SRPK2: variants seen among roughly 807,000 people sequenced by gnomAD.
SRPK2 encodes SFRS protein kinase 2.
Under a neutral mutation model 90.8 loss-of-function variants are expected in SRPK2, and 21 were observed. The observed-to-expected ratio is 0.23, with a 90% CI of 0.16 to 0.33. SRPK2 has a LOEUF of 0.33. Among genes scored for constraint, SRPK2 ranks in the 10% least tolerant of loss-of-function variants. The pLI, the probability that SRPK2 is intolerant of heterozygous loss-of-function variation, is 1.00. For missense variants in SRPK2, 620 were observed against 869.0 expected, an observed-to-expected ratio of 0.71 and a Z score of 3.60; for synonymous variants, 288 against 311.1, an observed-to-expected ratio of 0.93 and a Z score of 0.78.
intron 2 of SRPK2, among the ~76,000 whole-genome samples, chr7:105,308,001 T>G (rs1196620642): frequency 6.6e-6 from 1 of 152,224 alleles, no homozygotes; most frequent in East Asian, 1.9e-4. Context: ...TATGCGAAAG[T>G]ATTTTTGCAA....
In SRPK2 at chr7:105,171,015, G is replaced by GAA. The variant is rs1554436212; in HGVS notation, c.230-1751_230-1750insTT. On this transcript the variant is annotated intron_variant, in intron 3 of 15. Transcript: ENST00000393651. ...AGAAAGAGAAAGAAAGAAAGAAAGAGAGGAAGGAAGGAAGGAAGGAAGGAA... is the reference window on the plus strand; with the variant it reads ...AGAAAGAGAAAGAAAGAAAGAAAGAGAAAGGAAGGAAGGAAGGAAGGAAGGAA... Among the ~76,000 whole-genome samples, 4 of 107,544 alleles carry GAA rather than the reference G, an allele frequency of 3.7e-5. 1 individual carries two copies. Among genetic ancestry groups the GAA allele is most frequent in the Non-Finnish European group, 6.0e-5 (3 of 50,078 alleles). 70.6% of individuals were successfully genotyped at this position (107,544 alleles called of 152,430 possible).
At chr7:105,353,798 AAAG>A (rs1438617051) in intron 2 of SRPK2, among the ~76,000 whole-genome samples, 2 of 152,228 alleles carry the variant, frequency 1.3e-5, no homozygotes, top group African/African-American at 4.8e-5. Flanking sequence ...AGGACAAACT[AAAG>A]AAGCTGGCAG....
rs752856218 is a variant in SRPK2 at position 105,383,546 on chromosome 7, G to A, written c.71+5102C>T. Among the ~76,000 whole-genome samples the A allele has an allele frequency of 2.6e-5, 4 of 151,200 alleles. No homozygotes were observed. The East Asian group carries it at 5.8e-4, about 22-fold the overall frequency. ...AGCAATTCTTCTGCCTCAGCCTCCC[G>A]AGTAGCTGGAACTGCAGGAGCACAC... On this transcript the variant is annotated intron_variant, in intron 2 of 15. Coordinates refer to ENST00000393651, the MANE Select transcript of SRPK2 (RefSeq NM_182692.3).
chr7:105,141,919 C>A, intron 11 of SRPK2, 89 bp downstream of exon 11: 1 of 1,469,020 alleles, frequency 6.8e-7, no homozygotes, highest in East Asian at 2.3e-5. Context: ...CAGGGCTTGG[C>A]CACTTCCAGC....
chr7:105,211,547 AGT>A (rs1796861927), intron 2 of SRPK2, among the ~76,000 whole-genome samples: 1 of 152,158 alleles, frequency 6.6e-6, no homozygotes, highest in South Asian at 2.1e-4. Context: ...GTGTGGGAGC[AGT>A]AACAGGAGTG....
chr7:105,296,155 A>G (rs1048009274), intron 2 of SRPK2, among the ~76,000 whole-genome samples: 2 of 152,204 alleles, frequency 1.3e-5, no homozygotes, highest in African/African-American at 4.8e-5. Context: ...ACTACTCCAC[A>G]AGTGCTTTTC....
At chr7:105,341,864 C>T (rs568906167) in intron 2 of SRPK2, among the ~76,000 whole-genome samples, 15 of 151,054 alleles carry the variant, frequency 9.9e-5, no homozygotes, top group African/African-American at 3.6e-4. Context: ...CTACTCGGAA[C>T]GCTGAGACAG....
chr7:105,282,035 C>T (rs1807412107), intron 2 of SRPK2, among the ~76,000 whole-genome samples: 1 of 152,116 alleles, frequency 6.6e-6, no homozygotes, highest in Non-Finnish European at 1.5e-5. Context: ...AGTTGGAGGA[C>T]TCACACTTCG....
intron 2 of SRPK2, among the ~76,000 whole-genome samples, chr7:105,320,507 C>T (rs1418234164): frequency 2.0e-5 from 3 of 152,160 alleles, no homozygotes; most frequent in Non-Finnish European, 4.4e-5. Context: ...AACCAGTAAG[C>T]TCATTTCCAC....
intron 2 of SRPK2, among the ~76,000 whole-genome samples, chr7:105,286,337 C>G (rs550280792): frequency 6.6e-6 from 1 of 152,250 alleles, no homozygotes; most frequent in Admixed American, 6.5e-5. Flanking sequence ...TTCTTTTGTC[C>G]TCTCTGCTAA....
chr7:105,179,040 T>C (rs1202457419), intron 3 of SRPK2, among the ~76,000 whole-genome samples: 2 of 152,274 alleles, frequency 1.3e-5, no homozygotes, highest in African/African-American at 2.4e-5. Context: ...AATATAAAAA[T>C]ATAAATGGAT....
chr7:105,158,409 C>T (rs556823226), intron 7 of SRPK2, among the ~76,000 whole-genome samples: 2 of 152,240 alleles, frequency 1.3e-5, no homozygotes, highest in African/African-American at 4.8e-5. Context: ...CGTGTGCCAC[C>T]ACGCCTGGCT....
intron 2 of SRPK2, among the ~76,000 whole-genome samples, chr7:105,364,399 T>C (rs1818779113): frequency 6.8e-6 from 1 of 147,300 alleles, no homozygotes; most frequent in African/African-American, 2.5e-5. Flanking sequence ...GCATACCGTG[T>C]GTAACGTTTT....
chr7:105,125,129 C>CAAAAAAAAAAAAAAAAAAA (rs61616576), intron 15 of SRPK2, among the ~76,000 whole-genome samples: 1 of 88,100 alleles, frequency 1.1e-5, no homozygotes, highest in Non-Finnish European at 2.1e-5. Context: ...GACTCCATCT[C>CAAAAAAAAAAAAAAAAAAA]AAAAAAAAAA....
At chr7:105,309,087 C>A (rs1303111691) in intron 2 of SRPK2, among the ~76,000 whole-genome samples, 6 of 152,098 alleles carry the variant, frequency 3.9e-5, no homozygotes, top group Admixed American at 3.9e-4. Flanking sequence ...AAAAAAAGTG[C>A]ACACAAACTT....
intron 2 of SRPK2, among the ~76,000 whole-genome samples, chr7:105,286,671 G>A (rs1460711947): frequency 6.6e-6 from 1 of 152,164 alleles, no homozygotes; most frequent in African/African-American, 2.4e-5. Flanking sequence ...GAGATCACTG[G>A]TTTTACTTAC....
At chr7:105,198,271 C>A (rs534381620) in intron 3 of SRPK2, among the ~76,000 whole-genome samples, 1 of 152,234 alleles carries the variant, frequency 6.6e-6, no homozygotes, top group African/African-American at 2.4e-5. Context: ...ACCAGGCACC[C>A]CCTACTGCCT....
At chr7:105,192,251 T>A (rs916155093) in intron 3 of SRPK2, among the ~76,000 whole-genome samples, 1 of 152,106 alleles carries the variant, frequency 6.6e-6, no homozygotes, top group Non-Finnish European at 1.5e-5. Flanking sequence ...ACAGTGTCAT[T>A]CTTATGCCTT....
intron 2 of SRPK2, among the ~76,000 whole-genome samples, chr7:105,252,571 T>C (rs1355811191): frequency 6.6e-6 from 1 of 152,204 alleles, no homozygotes; most frequent in Non-Finnish European, 1.5e-5. Context: ...ACTGATATTA[T>C]ACTATCTTCC....
Sources: gnomAD v4.1 joint callset for allele counts (sites outside exome capture counted in the v4.1 genomes callset) on GRCh38, gnomAD v4.1.1 for gene constraint, MANE v1.5 for transcripts, NCBI Gene and HGNC (gene_info 2026-07-23, HGNC 2026-07-21) for gene names.